The following FBXL4 variants were observed in gnomAD, a reference collection of about 807,000 sequenced individuals.
The protein encoded by FBXL4 is F-box and leucine rich repeat protein 4, also known as F-box/LRR-repeat protein 4.
Under a neutral mutation model 58.9 loss-of-function variants are expected in FBXL4, and 40 were observed. The observed-to-expected ratio is 0.68, with a 90% CI of 0.53 to 0.88. The LOEUF (loss-of-function observed/expected upper bound fraction) is 0.88, where lower values mean the gene tolerates loss of function less well. Among genes scored for constraint, FBXL4 ranks in the 40% least tolerant of loss-of-function variants. The pLI, the probability that FBXL4 is intolerant of heterozygous loss-of-function variation, is 0.00. For synonymous variants in FBXL4, 263 were observed against 265.5 expected (o/e 0.99, Z 0.09); for missense variants, 676 against 734.4 (o/e 0.92, Z 0.92).
chr6:98,925,029 T>C (rs1337505879), intron 4 of FBXL4, among the ~76,000 whole-genome samples: 1 of 152,192 alleles, frequency 6.6e-6, no homozygotes, highest in African/African-American at 2.4e-5. Context: ...AACGAGTGAT[T>C]TAATAAAGTG....
intron 7 of FBXL4, among the ~76,000 whole-genome samples, chr6:98,890,832 T>C (rs1415900699): frequency 2.0e-5 from 3 of 152,012 alleles, no homozygotes; most frequent in Admixed American, 6.6e-5. Flanking sequence ...AGCAGGAGAA[T>C]TGCTTGGACT....
At chr6:98,913,525 T>A (rs1772191598) in intron 5 of FBXL4, among the ~76,000 whole-genome samples, 2 of 152,052 alleles carry the variant, frequency 1.3e-5, no homozygotes, top group Non-Finnish European at 2.9e-5. Context: ...TCAAAACCGC[T>A]CAACTACATG....
intron 2 of FBXL4, among the ~76,000 whole-genome samples, chr6:98,928,614 G>A (rs1772884056): frequency 6.6e-6 from 1 of 152,124 alleles, no homozygotes; most frequent in African/African-American, 2.4e-5. Context: ...ACAGGTGTAA[G>A]CCACCACGCC....
intron 4 of FBXL4, among the ~76,000 whole-genome samples, chr6:98,925,088 A>G (rs184558939): frequency 2.0e-5 from 3 of 152,388 alleles, no homozygotes; most frequent in Middle Eastern, 3.4e-3. Context: ...AGAAAAAATG[A>G]GCAAATAATA....
chr6:98,926,638 C>T lies in FBXL4; in HGVS notation c.351G>A (p.Thr117=), dbSNP rs375173811. The part of the protein sequence containing the change: ...CPSASLPFKR[T]PPNFQSQDYV... Reference sequence around the variant, plus strand: ...AGTCCTGGCTCTGAAAATTAGGTGGCGTCCTCTTGAATGGCAAGGAAGCAC... The same window carrying T: ...AGTCCTGGCTCTGAAAATTAGGTGGTGTCCTCTTGAATGGCAAGGAAGCAC... Residue 117 remains threonine, a synonymous_variant, in exon 4 of 10, where the codon ACG becomes ACA. Coordinates refer to ENST00000369244, the MANE Select transcript of FBXL4 (RefSeq NM_001278716.2). 370 of 1,613,986 alleles carry T rather than the reference C, an allele frequency of 2.3e-4. No homozygotes were observed. Among genetic ancestry groups the T allele is most frequent in the Non-Finnish European group, 2.9e-4 (347 of 1,180,020 alleles).
intron 5 of FBXL4, among the ~76,000 whole-genome samples, chr6:98,915,517 A>G (rs986001529): frequency 2.6e-5 from 4 of 151,280 alleles, no homozygotes; most frequent in Admixed American, 6.6e-5. Flanking sequence ...ATAACGCCAC[A>G]TATCTACAAC....
chr6:98,910,944 T>C (rs195820), intron 5 of FBXL4, among the ~76,000 whole-genome samples: 104,011 of 151,934 alleles, frequency 0.68, 36,406 homozygotes, highest in African/African-American at 0.84. Flanking sequence ...GGGTGACAGA[T>C]GGCACCTAGA....
At chr6:98,942,474 C>G (rs1437035593) in intron 1 of FBXL4, among the ~76,000 whole-genome samples, 1 of 152,034 alleles carries the variant, frequency 6.6e-6, no homozygotes. Flanking sequence ...CACTATGCCC[C>G]TAGTGGTGTT....
intron 5 of FBXL4, among the ~76,000 whole-genome samples, chr6:98,914,678 A>G (rs1478766865): frequency 6.6e-6 from 1 of 152,234 alleles, no homozygotes; most frequent in African/African-American, 2.4e-5. Flanking sequence ...TCAAAATCAT[A>G]AGAGCTATCT....
intron 7 of FBXL4, among the ~76,000 whole-genome samples, chr6:98,889,506 C>G (rs1241722141): frequency 3.3e-5 from 5 of 151,878 alleles, no homozygotes; most frequent in Non-Finnish European, 5.9e-5. Flanking sequence ...CATGGCAAAA[C>G]CCCATCTCTA....
chr6:98,945,082 A>G (rs1170686448), intron 1 of FBXL4, among the ~76,000 whole-genome samples: 1 of 152,234 alleles, frequency 6.6e-6, no homozygotes, highest in Non-Finnish European at 1.5e-5. Flanking sequence ...CTTACCAACA[A>G]CTTTTGAGGA....
chr6:98,943,045 G>A (rs1247139778), intron 1 of FBXL4, among the ~76,000 whole-genome samples: 1 of 151,998 alleles, frequency 6.6e-6, no homozygotes, highest in Non-Finnish European at 1.5e-5. Flanking sequence ...CAACTAAACA[G>A]GCACAGGGAT....
At chr6:98,946,957 A>G (rs1036546810) in intron 1 of FBXL4, among the ~76,000 whole-genome samples, 3 of 152,176 alleles carry the variant, frequency 2.0e-5, no homozygotes, top group African/African-American at 7.2e-5. Flanking sequence ...AGCTGAACTT[A>G]AGAAACCAAG....
intron 5 of FBXL4, among the ~76,000 whole-genome samples, chr6:98,915,693 G>A (rs1430499998): frequency 2.0e-5 from 3 of 152,148 alleles, no homozygotes; most frequent in Non-Finnish European, 2.9e-5. Context: ...AGACATAAAC[G>A]TTAGACCTAA....
In FBXL4 at chr6:98,868,660, C is replaced by G. The variant is rs1770415716; in HGVS notation, c.*5618G>C. The G allele has an allele frequency of 6.6e-6, 1 of 152,106 alleles. No homozygotes were observed. The highest frequency in any genetic ancestry group is 2.1e-4 in the South Asian group (1 of 4,826). The allele number at this position is 152,106 out of a possible 1,614,324, so 9.4% of individuals were successfully genotyped here. On this transcript the variant is annotated 3_prime_UTR_variant, in exon 10 of 10. Transcript: ENST00000369244. ...ATATCTCAGTCGTCTGTACAGACAA[C>G]TTCATTTGTAACAGAGACTTGTTTT...
rs1461046304 is a variant in FBXL4 at position 98,872,955 on chromosome 6, C to T, written c.*1323G>A. Reference sequence around the variant, plus strand: ...TCAATGCAAAGCACAAGAAACAGTGCCAGGCACAAAGGAAGCATTCTCCTC... The same window carrying T: ...TCAATGCAAAGCACAAGAAACAGTGTCAGGCACAAAGGAAGCATTCTCCTC... On this transcript the variant is annotated 3_prime_UTR_variant, in exon 10 of 10. Transcript: ENST00000369244. The T allele has an allele frequency of 6.6e-6, 1 of 152,060 alleles. No individual in the cohort carries two copies. The highest frequency in any genetic ancestry group is 1.5e-5 in the Non-Finnish European group (1 of 68,026). The allele number at this position is 152,060 out of a possible 1,614,324, so 9.4% of individuals were successfully genotyped here.
At position 98,928,850 on chromosome 6, in the gene FBXL4, A is replaced by G. The variant is rs528377589; in HGVS notation, c.-190-1028T>C. On this transcript the variant is annotated intron_variant, in intron 2 of 9. Transcript: ENST00000369244. The stretch of plus-strand genomic sequence containing the variant: ...ACCCAGCAAACCCAATCAAGTTCTA[A>G]CCACTCTTCGTATTTTACGTTAAGT... Among the ~76,000 whole-genome samples, 7 of 152,306 alleles carry G rather than the reference A, an allele frequency of 4.6e-5. No homozygotes were observed. The South Asian group carries it at 1.5e-3, about 32-fold the overall frequency.
At chr6:98,905,366 C>T in intron 6 of FBXL4, 60 bp downstream of exon 6, 1 of 1,573,190 alleles carries the variant, frequency 6.4e-7, no homozygotes, top group East Asian at 2.3e-5. Flanking sequence ...AAAACCACTA[C>T]ATAATAAGTA....
chr6:98,902,657 G>C (rs1054121032), intron 6 of FBXL4, among the ~76,000 whole-genome samples: 5 of 151,824 alleles, frequency 3.3e-5, no homozygotes, highest in Non-Finnish European at 5.9e-5. Flanking sequence ...AACTGAGGGG[G>C]AGATCAAGGC....
Sources: gnomAD v4.1 joint callset for allele counts (sites outside exome capture counted in the v4.1 genomes callset) on GRCh38, gnomAD v4.1.1 for gene constraint, MANE v1.5 for transcripts, NCBI Gene and HGNC (gene_info 2026-07-23, HGNC 2026-07-21) for gene names.